The following POLR3C variants were observed in gnomAD, a reference collection of about 807,000 sequenced individuals.
POLR3C encodes RNA polymerase III subunit C.
A neutral mutation model predicts 65.9 loss-of-function variants in POLR3C; 44 were observed. The ratio of observed to expected loss-of-function variants is 0.67; its 90% CI spans 0.52 to 0.86. POLR3C has a LOEUF of 0.86. POLR3C is among the 40% of genes least tolerant of loss of function. POLR3C has a pLI of 0.00. For synonymous variants in POLR3C, 263 were observed against 231.6 expected (o/e 1.14, Z -1.23); for missense variants, 576 against 653.2 (o/e 0.88, Z 1.29).
chr1:145,830,569 G>T (rs1159213127), intron 5 of POLR3C, among the ~76,000 whole-genome samples: 1 of 152,112 alleles, frequency 6.6e-6, no homozygotes, highest in Non-Finnish European at 1.5e-5. Context: ...GGAGGCCGAG[G>T]TAGGTGGATC....
intron 1 of POLR3C, 71 bp from the exon 2 acceptor site, chr1:145,825,686 A>G: frequency 1.1e-6 from 1 of 918,262 alleles, no homozygotes; most frequent in South Asian, 1.9e-5. Context: ...GAATACATGA[A>G]TTTACACTCA....
rs587761680 is a variant in POLR3C, at chr1:145,843,115, C to T, written c.*695C>T. ...ACAGAGTAGAAGAAAAAATTATTTT[C>T]AGGGTTAGCAGGTGGATTGTCCCAA... is the stretch of plus-strand genomic sequence containing the variant. On this transcript the variant is annotated 3_prime_UTR_variant, in exon 15 of 15. Transcript: ENST00000334163. 6.6e-6 allele frequency among the ~76,000 whole-genome samples: 1 copy of T among 151,914 alleles called. No homozygotes were observed. The highest frequency in any genetic ancestry group is 2.4e-5 in the African/African-American group (1 of 41,394).
Position 145,825,696 on chromosome 1 carries a change from A to G in POLR3C, c.-20-61A>G, listed in dbSNP as rs1400307641. On this transcript the variant is annotated intron_variant, in intron 1 of 14. Coordinates refer to ENST00000334163, the MANE Select transcript of POLR3C (RefSeq NM_006468.8). ...AGAAAGAATACATGAATTTACACTC[A>G]GCAGCTCTGCTTCCAGCGTGAAAGA... 3.8e-6 allele frequency: 4 copies of G among 1,039,680 alleles called. No homozygotes were observed. The East Asian group carries it at 9.9e-5, about 26-fold the overall frequency. The allele number at this position is 1,039,680 out of a possible 1,614,324, so 64.4% of individuals were successfully genotyped here.
In POLR3C at chr1:145,828,854, AT is replaced by A; in HGVS notation, c.678+19del. The A allele has an allele frequency of 2.2e-6, 3 of 1,364,384 alleles. No homozygotes were observed. Among genetic ancestry groups the A allele is most frequent in the South Asian group, 1.2e-5 (1 of 86,040 alleles). The allele number at this position is 1,364,384 out of a possible 1,614,324, so 84.5% of individuals were successfully genotyped here. On this transcript the variant is annotated intron_variant, in intron 5 of 14. Coordinates refer to ENST00000334163, the MANE Select transcript of POLR3C (RefSeq NM_006468.8). ...AACAAGGAGGTAATGGGGCTTCTTGATTAGAAGTCCTCACCCTGAAGCAGGC... is the reference window on the plus strand; with the variant it reads ...AACAAGGAGGTAATGGGGCTTCTTGATAGAAGTCCTCACCCTGAAGCAGGC...
Position 145,827,387 on chromosome 1 carries a change from C to T in POLR3C, c.589+382C>T, listed in dbSNP as rs374095446. ...TAATGGAGACTTTGGGAGACTGAGG[C>T]AGGCGAATTGCATGAGGCCAGGAGT... On this transcript the variant is annotated intron_variant, in intron 4 of 14. Transcript: ENST00000334163. Among the ~76,000 whole-genome samples, 48 of 152,234 alleles carry T rather than the reference C, an allele frequency of 3.2e-4. 1 individual carries two copies. The highest frequency in any genetic ancestry group is 1.1e-3 in the African/African-American group (46 of 41,538).
Position 145,838,219 on chromosome 1 carries a change from G to A in POLR3C, c.1221+13G>A. The A allele has an allele frequency of 6.2e-7, 1 of 1,609,598 alleles. No homozygotes were observed. ...CATGTCACTCCAGGTAACCAACCAA[G>A]GGCGTAATAATTGCCAACCAGCAAA... On this transcript the variant is annotated intron_variant, in intron 11 of 14. Coordinates refer to ENST00000334163, the MANE Select transcript of POLR3C (RefSeq NM_006468.8).
chr1:145,842,942 A>AT lies in POLR3C; in HGVS notation c.*522_*523insT, dbSNP rs1483669727. On this transcript the variant is annotated 3_prime_UTR_variant, in exon 15 of 15. Transcript: ENST00000334163. ...GTCCTTCCACCTCAGCCTCTGGAGT[A>AT]GCTGGGACTACAGGCATGCACCACA... Among the ~76,000 whole-genome samples, 2 of 152,148 alleles carry AT rather than the reference A, an allele frequency of 1.3e-5. No homozygotes were observed. The highest frequency in any genetic ancestry group is 2.4e-5 in the African/African-American group (1 of 41,422).
intron 1 of POLR3C, chr1:145,824,585 G>C (rs1160187901): frequency 1.6e-6 from 2 of 1,215,034 alleles, no homozygotes; most frequent in African/African-American, 3.1e-5. Flanking sequence ...GGACGGGGAG[G>C]CAAAGACTTG....
At chr1:145,834,531 C>T (rs587717041) in intron 7 of POLR3C, among the ~76,000 whole-genome samples, 127 of 151,864 alleles carry the variant, frequency 8.4e-4, no homozygotes, top group Middle Eastern at 3.4e-3. Flanking sequence ...AAAAATTAGC[C>T]GGGCATGGTG....
At chr1:145,828,043 CAGTG>C (rs782202124) in intron 4 of POLR3C, among the ~76,000 whole-genome samples, 10 of 152,058 alleles carry the variant, frequency 6.6e-5, no homozygotes, top group African/African-American at 4.8e-5. Flanking sequence ...TAGAAGCTAA[CAGTG>C]AGGTAACAGG....
chr1:145,842,291 A>G (rs1553730751), intron 14 of POLR3C, 48 bp from the exon 15 acceptor site: 3 of 1,153,824 alleles, frequency 2.6e-6, no homozygotes, highest in Non-Finnish European at 3.9e-6. Flanking sequence ...AATCTTAAAT[A>G]TGCTAATGAA....
At chr1:145,836,612 C>T in intron 8 of POLR3C, 38 bp downstream of exon 8, 3 of 1,264,882 alleles carry the variant, frequency 2.4e-6, no homozygotes, top group Non-Finnish European at 3.5e-6. Flanking sequence ...TTTCTTTAGC[C>T]TGTACTGTTG....
intron 2 of POLR3C, 118 bp downstream of exon 2, chr1:145,826,041 C>T (rs1015139504): frequency 1.0e-5 from 8 of 781,514 alleles, no homozygotes; most frequent in Non-Finnish European, 1.7e-5. Context: ...GCCCTTGGAG[C>T]AGAACAATGT....
At chr1:145,832,883 G>A (rs587712269) in intron 5 of POLR3C, among the ~76,000 whole-genome samples, 35 of 152,146 alleles carry the variant, frequency 2.3e-4, no homozygotes, top group African/African-American at 6.5e-4. Context: ...TTAGCCTAGC[G>A]CAGTGGTGGT....
At chr1:145,829,487 T>TA (rs1311821796) in intron 5 of POLR3C, among the ~76,000 whole-genome samples, 1 of 152,246 alleles carries the variant, frequency 6.6e-6, no homozygotes, top group African/African-American at 2.4e-5. Flanking sequence ...ATGGTCTCCC[T>TA]AGCTGCATTC....
intron 5 of POLR3C, among the ~76,000 whole-genome samples, chr1:145,831,977 G>A (rs782510876): frequency 1.3e-5 from 2 of 152,132 alleles, no homozygotes; most frequent in Admixed American, 1.3e-4. Flanking sequence ...GGGAGGTCAA[G>A]GCTGCAGTGA....
intron 7 of POLR3C, among the ~76,000 whole-genome samples, chr1:145,835,233 G>A (rs1485080131): frequency 1.3e-5 from 2 of 150,482 alleles, no homozygotes; most frequent in African/African-American, 2.4e-5. Context: ...CAGATCACCT[G>A]AGGAGTTCAA....
intron 7 of POLR3C, among the ~76,000 whole-genome samples, chr1:145,835,963 C>G (rs1347907443): frequency 1.3e-5 from 2 of 152,082 alleles, no homozygotes; most frequent in Non-Finnish European, 2.9e-5. Context: ...TTGTCTCACT[C>G]TTCATAATGA....
chr1:145,833,522 A>G lies in POLR3C; in HGVS notation c.816A>G (p.Arg272=). ...GCGAGATTGTGCGAACCATGCTCCG[A>G]ATGAGTGAGATTACCACTTCCTCTA... ...TSSEIVRTML[R]MSEITTSSSA... Residue 272 remains arginine (R), a synonymous_variant, in exon 7 of 15, where the codon CGA becomes CGG. Transcript: ENST00000334163. 6.2e-7 allele frequency: 1 copy of G among 1,613,868 alleles called. No homozygotes were observed. The highest frequency in any genetic ancestry group is 8.5e-7 in the Non-Finnish European group (1 of 1,179,732).
Sources: allele counts gnomAD v4.1 joint callset (sites outside exome capture counted in the v4.1 genomes callset), GRCh38; gene constraint gnomAD v4.1.1; transcripts MANE v1.5; gene names NCBI Gene and HGNC (gene_info 2026-07-23, HGNC 2026-07-21).